The following RAD51B variants were observed in gnomAD, a reference collection of about 807,000 sequenced individuals.
RAD51B encodes the protein RAD51 paralog B.
Under a neutral mutation model 42.2 loss-of-function variants are expected in RAD51B, and 38 were observed. The observed-to-expected ratio is 0.90, with a 90% CI of 0.70 to 1.18. The LOEUF (loss-of-function observed/expected upper bound fraction) is 1.18, where lower values mean the gene tolerates loss of function less well. Ranked by LOEUF, RAD51B falls within the 50% of genes most tolerant of loss-of-function variation. RAD51B has a pLI of 0.00. For synonymous variants in RAD51B, 154 were observed against 145.2 expected (o/e 1.06, Z -0.43); for missense variants, 373 against 400.7 (o/e 0.93, Z 0.59).
At chr14:68,005,542 T>C (rs1462471250) in intron 7 of RAD51B, among the ~76,000 whole-genome samples, 1 of 152,222 alleles carries the variant, frequency 6.6e-6, no homozygotes, top group African/African-American at 2.4e-5. Flanking sequence ...CTAATTTATA[T>C]TCTTACCAGC....
Position 68,654,233 on chromosome 14 carries a change from C to T in RAD51B, c.*11+3377C>T, listed in dbSNP as rs578133328. On this transcript the variant is annotated intron_variant, in intron 11 of 11. Coordinates refer to the RAD51B transcript ENST00000488612. Reference sequence around the variant, plus strand: ...AGATGAAGACAGGGAATAAGCCCAGCGCTACAGAGCTGATGGAATCCTGGT... The same window carrying T: ...AGATGAAGACAGGGAATAAGCCCAGTGCTACAGAGCTGATGGAATCCTGGT... Among the ~76,000 whole-genome samples the T allele has an allele frequency of 3.3e-5, 5 of 152,334 alleles. No individual in the cohort carries two copies. In the East Asian group the frequency reaches 5.8e-4, roughly 18 times the overall value.
chr14:68,518,223 A>C (rs1299909102), intron 10 of RAD51B, among the ~76,000 whole-genome samples: 1 of 152,188 alleles, frequency 6.6e-6, no homozygotes, highest in Non-Finnish European at 1.5e-5. Context: ...AGAGCACAAC[A>C]GGGCGGGAAC....
intron 10 of RAD51B, among the ~76,000 whole-genome samples, chr14:68,570,193 C>G (rs569560554): frequency 3.0e-4 from 45 of 152,296 alleles, no homozygotes; most frequent in African/African-American, 9.6e-4. Context: ...CTGCCCTGAG[C>G]TCCTTGTCTT....
At chr14:68,422,147 A>G in intron 9 of RAD51B, 1 of 1,365,710 alleles carries the variant, frequency 7.3e-7, no homozygotes, top group Non-Finnish European at 1.0e-6. Context: ...GACATGGCCC[A>G]AGGGCTCGCT....
At chr14:68,093,548 C>T (rs2077140237) in intron 7 of RAD51B, among the ~76,000 whole-genome samples, 1 of 151,986 alleles carries the variant, frequency 6.6e-6, no homozygotes, top group African/African-American at 2.4e-5. Flanking sequence ...GTGGTGATAT[C>T]CCCTTTATCA....
chr14:68,094,382 G>A (rs1321780142), intron 7 of RAD51B, among the ~76,000 whole-genome samples: 1 of 152,170 alleles, frequency 6.6e-6, no homozygotes, highest in Admixed American at 6.5e-5. Flanking sequence ...CAGTGTGATA[G>A]TTTGGTATGC....
chr14:67,866,418 G>A (rs1274393151), intron 5 of RAD51B, among the ~76,000 whole-genome samples: 1 of 152,120 alleles, frequency 6.6e-6, no homozygotes, highest in Non-Finnish European at 1.5e-5. Flanking sequence ...AAGCCAAGTA[G>A]GTATTAAATA....
chr14:68,446,542 G>A (rs186861339), intron 9 of RAD51B, among the ~76,000 whole-genome samples: 3 of 152,262 alleles, frequency 2.0e-5, no homozygotes, highest in Non-Finnish European at 4.4e-5. Flanking sequence ...TACAGAGATT[G>A]GTTTGCAATA....
intron 7 of RAD51B, among the ~76,000 whole-genome samples, chr14:67,994,878 G>A (rs1482138044): frequency 6.6e-6 from 1 of 152,188 alleles, no homozygotes; most frequent in Admixed American, 6.5e-5. Context: ...AATGTCATCA[G>A]TAGATGAATG....
intron 10 of RAD51B, among the ~76,000 whole-genome samples, chr14:68,645,654 C>T (rs1001217048): frequency 2.6e-5 from 4 of 152,186 alleles, no homozygotes; most frequent in Admixed American, 2.6e-4. Context: ...TACATTCTTA[C>T]CAACACCTGT....
At chr14:68,518,377 G>A (rs939095552) in intron 10 of RAD51B, among the ~76,000 whole-genome samples, 16 of 152,182 alleles carry the variant, frequency 1.1e-4, no homozygotes, top group African/African-American at 3.1e-4. Context: ...TGCAGGCCCC[G>A]GTCTGCAGGC....
intron 7 of RAD51B, among the ~76,000 whole-genome samples, chr14:68,027,265 C>T (rs1024273768): frequency 6.6e-6 from 1 of 152,008 alleles, no homozygotes; most frequent in Non-Finnish European, 1.5e-5. Context: ...CTCTAGCTGC[C>T]TTTACAATTT....
chr14:68,424,059 C>T (rs1209454295), intron 9 of RAD51B, among the ~76,000 whole-genome samples: 2 of 152,206 alleles, frequency 1.3e-5, no homozygotes, highest in African/African-American at 2.4e-5. Context: ...TCTGTGGCAT[C>T]TTGCCCACAG....
At chr14:68,643,392 G>A (rs1226342055) in intron 10 of RAD51B, among the ~76,000 whole-genome samples, 3 of 152,262 alleles carry the variant, frequency 2.0e-5, no homozygotes, top group East Asian at 1.9e-4. Flanking sequence ...TAATCTATGT[G>A]TGTTTTTATA....
At chr14:68,341,844 G>A (rs1349056013) in intron 8 of RAD51B, among the ~76,000 whole-genome samples, 1 of 152,256 alleles carries the variant, frequency 6.6e-6, no homozygotes, top group Middle Eastern at 3.4e-3. Flanking sequence ...AGGAAAGGAA[G>A]GTTTCAGTTA....
chr14:68,382,225 T>C (rs576486701), intron 8 of RAD51B, among the ~76,000 whole-genome samples: 1 of 152,372 alleles, frequency 6.6e-6, no homozygotes, highest in Non-Finnish European at 1.5e-5. Context: ...GTATGTTTAG[T>C]AGCATTTCTG....
intron 5 of RAD51B, among the ~76,000 whole-genome samples, chr14:67,871,311 CTA>C (rs2042522809): frequency 1.3e-5 from 2 of 152,104 alleles, no homozygotes; most frequent in African/African-American, 4.8e-5. Flanking sequence ...ACAAACACCT[CTA>C]TGCAAATAAA....
In RAD51B at chr14:68,370,670, G is replaced by A. The variant is rs186743650; in HGVS notation, c.854-40754G>A. ...ACTGGGGGGTGTGGTATAGGGGATG[G>A]CAAGTGGTCAGATTCAAGATAAATA... is the stretch of plus-strand genomic sequence containing the variant. On this transcript the variant is annotated intron_variant, in intron 8 of 10. Coordinates refer to ENST00000471583, the MANE Select transcript of RAD51B (RefSeq NM_133510.4). 2.3e-3 allele frequency among the ~76,000 whole-genome samples: 354 copies of A among 152,220 alleles called. 2 individuals are homozygous for A. Among genetic ancestry groups the A allele is most frequent in the Admixed American group, 4.9e-3 (75 of 15,288 alleles).
chr14:68,649,830 T>G (rs577515900), intron 10 of RAD51B, among the ~76,000 whole-genome samples: 1 of 152,198 alleles, frequency 6.6e-6, no homozygotes, highest in African/African-American at 2.4e-5. Flanking sequence ...CTGATACTGA[T>G]ATGAGCACAA....
Sources: allele counts gnomAD v4.1 joint callset (sites outside exome capture counted in the v4.1 genomes callset), GRCh38; gene constraint gnomAD v4.1.1; transcripts MANE v1.5; gene names NCBI Gene and HGNC (gene_info 2026-07-23, HGNC 2026-07-21).